PPM1B: variants seen among roughly 807,000 people sequenced by gnomAD.
PPM1B encodes the protein protein phosphatase 1B.
PPM1B carries 22 observed loss-of-function variants against 43.0 expected under a neutral mutation model. The ratio of observed to expected loss-of-function variants is 0.51; its 90% CI spans 0.37 to 0.73. The LOEUF (loss-of-function observed/expected upper bound fraction) is 0.73, where lower values mean the gene tolerates loss of function less well. Ranked by LOEUF, PPM1B falls within the 30% of genes least tolerant of loss-of-function variation. The pLI is 0.00. For missense variants in PPM1B, 632 were observed against 584.2 expected (o/e 1.08, Z -0.84); for synonymous variants, 217 against 197.9 (o/e 1.10, Z -0.81).
At chr2:44,227,917 C>G (rs1338713596) in intron 5 of PPM1B, among the ~76,000 whole-genome samples, 1 of 106,808 alleles carries the variant, frequency 9.4e-6, no homozygotes, top group Admixed American at 1.1e-4. Context: ...TTTTCTTTTT[C>G]TTTTCTTTTT....
At chr2:44,192,467 C>T (rs574448165) in intron 1 of PPM1B, among the ~76,000 whole-genome samples, 16 of 152,114 alleles carry the variant, frequency 1.1e-4, no homozygotes, top group Non-Finnish European at 2.2e-4. Context: ...TTGCCTGCCT[C>T]GGCCTCCCAA....
rs530942850 is a variant in PPM1B at position 44,216,648 on chromosome 2, C to T, written c.965-1319C>T. On this transcript the variant is annotated intron_variant, in intron 3 of 5. Transcript: ENST00000282412. ...CAAGGATGAAAATAGGCATTCATAG[C>T]TGGGCGTGGTGGCTCAGGCCTCTAA... 3.3e-5 allele frequency among the ~76,000 whole-genome samples: 5 copies of T among 152,272 alleles called. No individual in the cohort carries two copies. The East Asian group carries it at 9.6e-4, about 29-fold the overall frequency.
chr2:44,191,448 T>C (rs1033292017), intron 1 of PPM1B, among the ~76,000 whole-genome samples: 1 of 152,194 alleles, frequency 6.6e-6, no homozygotes, highest in Non-Finnish European at 1.5e-5. Flanking sequence ...ACTCCTGACC[T>C]TATGATTCGC....
downstream of PPM1B, among the ~76,000 whole-genome samples, chr2:44,239,528 A>G (rs1670701022): frequency 6.6e-6 from 1 of 152,008 alleles, no homozygotes; most frequent in African/African-American, 2.4e-5. Context: ...CCAAGTTCAT[A>G]TAGTCTCTAA....
At chr2:44,192,793 C>G (rs2104081357) in intron 1 of PPM1B, among the ~76,000 whole-genome samples, 1 of 152,308 alleles carries the variant, frequency 6.6e-6, no homozygotes, top group Middle Eastern at 3.4e-3. Context: ...TTTTAGATGT[C>G]ACATGCAAGT....
downstream of PPM1B, chr2:44,234,414 G>A: frequency 1.9e-6 from 1 of 536,102 alleles, no homozygotes; most frequent in Non-Finnish European, 2.4e-6. Context: ...AGCTGCTTGG[G>A]AGGCTGAGGC....
intron 3 of PPM1B, among the ~76,000 whole-genome samples, chr2:44,213,049 AG>A (rs1218147061): frequency 2.0e-5 from 3 of 150,604 alleles, no homozygotes; most frequent in Non-Finnish European, 4.4e-5. Flanking sequence ...TTTAGTAAAA[AG>A]GAAAAAATTT....
At chr2:44,202,282 A>G (rs1668975963) in intron 2 of PPM1B, among the ~76,000 whole-genome samples, 1 of 152,252 alleles carries the variant, frequency 6.6e-6, no homozygotes, top group African/African-American at 2.4e-5. Flanking sequence ...TAAGTACTTC[A>G]TAGCTTGTTG....
At chr2:44,180,009 CAAAAAAAAA>C (rs766537523) in intron 1 of PPM1B, among the ~76,000 whole-genome samples, 14 of 83,672 alleles carry the variant, frequency 1.7e-4, no homozygotes, top group Middle Eastern at 6.8e-3. Flanking sequence ...AACTTCGTTC[CAAAAAAAAA>C]AAAAAAAAAA....
At chr2:44,189,995 T>C (rs1558398497) in intron 1 of PPM1B, among the ~76,000 whole-genome samples, 1 of 152,182 alleles carries the variant, frequency 6.6e-6, no homozygotes, top group African/African-American at 2.4e-5. Context: ...GAAACACTTT[T>C]ATCATGTGGA....
intron 5 of PPM1B, among the ~76,000 whole-genome samples, chr2:44,223,251 C>T (rs181420988): frequency 8.3e-4 from 127 of 152,166 alleles, no homozygotes; most frequent in African/African-American, 2.8e-3. Flanking sequence ...AATCCAAAAA[C>T]GGTTTAAGGC....
At chr2:44,237,319 TG>T (rs1328713336), downstream of PPM1B, among the ~76,000 whole-genome samples, 3 of 152,212 alleles carry the variant, frequency 2.0e-5, no homozygotes, top group Non-Finnish European at 4.4e-5. Flanking sequence ...AGTAAATAGG[TG>T]TAGCTACTAA....
chr2:44,185,658 G>C (rs1440959367), intron 1 of PPM1B, among the ~76,000 whole-genome samples: 1 of 152,138 alleles, frequency 6.6e-6, no homozygotes, highest in African/African-American at 2.4e-5. Context: ...CTGATTTACT[G>C]AATAAATTTG....
chr2:44,180,736 G>A (rs987512511), intron 1 of PPM1B, among the ~76,000 whole-genome samples: 1 of 151,656 alleles, frequency 6.6e-6, no homozygotes, highest in Non-Finnish European at 1.5e-5. Flanking sequence ...TCAGCTTCTC[G>A]AGGAGCTAGG....
At chr2:44,200,833 A>T (rs551176469) in intron 1 of PPM1B, among the ~76,000 whole-genome samples, 1 of 152,204 alleles carries the variant, frequency 6.6e-6, no homozygotes, top group East Asian at 1.9e-4. Context: ...ATTAAATCAG[A>T]ATGAAATTAT....
chr2:44,204,067 T>G (rs1215317371), intron 2 of PPM1B, among the ~76,000 whole-genome samples: 1 of 152,210 alleles, frequency 6.6e-6, no homozygotes, highest in African/African-American at 2.4e-5. Flanking sequence ...GGCCCATGAT[T>G]CATTCAATGT....
intron 5 of PPM1B, among the ~76,000 whole-genome samples, chr2:44,240,816 C>T (rs1196593535): frequency 1.4e-5 from 2 of 145,190 alleles, no homozygotes; most frequent in African/African-American, 4.9e-5. Context: ...TAAGAGAGTC[C>T]CGAGCTCCAG....
At chr2:44,230,081 T>A in intron 5 of PPM1B, 2 of 1,525,034 alleles carry the variant, frequency 1.3e-6, no homozygotes, top group Non-Finnish European at 1.8e-6. Context: ...TACTAAATCA[T>A]ATAGCCAAAT....
At chr2:44,170,278 T>C (rs1667268569) in intron 1 of PPM1B, among the ~76,000 whole-genome samples, 1 of 152,218 alleles carries the variant, frequency 6.6e-6, no homozygotes, top group Admixed American at 6.5e-5. Flanking sequence ...CGTTAATAAC[T>C]GGGAAGTTGT....
Sources: gnomAD v4.1 joint callset for allele counts (sites outside exome capture counted in the v4.1 genomes callset) on GRCh38, gnomAD v4.1.1 for gene constraint, MANE v1.5 for transcripts, NCBI Gene and HGNC (gene_info 2026-07-23, HGNC 2026-07-21) for gene names.